KTN1: variants seen among roughly 807,000 people sequenced by gnomAD.
KTN1 encodes the protein kinectin 1, also known as kinectin.
KTN1 carries 130 observed loss-of-function variants against 222.5 expected under a neutral mutation model. The ratio of observed to expected loss-of-function variants is 0.58; its 90% CI spans 0.51 to 0.68. The LOEUF is 0.68. Among genes scored for constraint, KTN1 ranks in the 30% least tolerant of loss-of-function variants. KTN1 has a pLI of 0.00. For synonymous variants in KTN1, 512 were observed against 496.3 expected, an observed-to-expected ratio of 1.03 and a Z score of -0.42; for missense variants, 1,508 against 1,500.4, an observed-to-expected ratio of 1.01 and a Z score of -0.08.
In KTN1 at chr14:55,612,014, T is replaced by A; in HGVS notation, c.-30-5T>A. 8.1e-7 allele frequency: 1 copy of A among 1,234,944 alleles called. No homozygotes were observed. 76.5% of individuals were successfully genotyped at this position (1,234,944 alleles called of 1,614,324 possible). On this transcript the variant is annotated splice_polypyrimidine_tract_variant and splice_region_variant and intron_variant, in intron 1 of 43. Coordinates refer to ENST00000395314, the MANE Select transcript of KTN1 (RefSeq NM_001079521.2). ...TTTTTTGTCCCCACCTTCTTCCCTA[T>A]TTAGGTTTTATAGGATCACATTGAC...
In KTN1 at chr14:55,684,484, T is replaced by A. The variant is rs1160578030; in HGVS notation, c.*381T>A. On this transcript the variant is annotated 3_prime_UTR_variant, in exon 44 of 44. Coordinates refer to ENST00000395314, the MANE Select transcript of KTN1 (RefSeq NM_001079521.2). ...TTTACTTAACATTTTGGGAAGTAAC[T>A]GCCTCTGACTTCAACTCAAGAAAAC... The A allele has an allele frequency of 4.5e-6, 1 of 224,376 alleles. No individual in the cohort carries two copies. The highest frequency in any genetic ancestry group is 2.2e-5 in the African/African-American group (1 of 44,760). The allele number at this position is 224,376 out of a possible 1,614,324, so 13.9% of individuals were successfully genotyped here. A position where few individuals can be genotyped will look rare whatever the true frequency, so the allele number is the denominator to read the frequency against.
At chr14:55,671,688 T>G in intron 36 of KTN1, 33 bp downstream of exon 36, 1 of 1,568,298 alleles carries the variant, frequency 6.4e-7, no homozygotes, top group South Asian at 1.1e-5. Flanking sequence ...CATTTTGATT[T>G]TACTTTAAAT....
At chr14:55,585,964 T>C (rs1292321530) in intron 1 of KTN1, among the ~76,000 whole-genome samples, 1 of 152,228 alleles carries the variant, frequency 6.6e-6, no homozygotes, top group Non-Finnish European at 1.5e-5. Context: ...CTTATGTGAA[T>C]TCAAGTAAGT....
At chr14:55,654,663 T>G (rs1173649760) in intron 28 of KTN1, among the ~76,000 whole-genome samples, 1 of 152,196 alleles carries the variant, frequency 6.6e-6, no homozygotes, top group Non-Finnish European at 1.5e-5. Flanking sequence ...TGCATTAGCA[T>G]GGTACATTTG....
Position 55,656,082 on chromosome 14 carries a change from A to G in KTN1, c.2842A>G (p.Met948Val), listed in dbSNP as rs1304527628. 3.1e-6 allele frequency: 5 copies of G among 1,611,744 alleles called. No homozygotes were observed. Among genetic ancestry groups the G allele is most frequent in the Non-Finnish European group, 4.2e-6 (5 of 1,178,204 alleles). The change falls in exon 29 of 44, where the codon ATG (methionine) becomes GTG (valine). Residue 948 changes from methionine (M) to valine (V), a missense_variant. Physicochemically the swap from Met to Val is conservative, Grantham distance 21 (BLOSUM62 1). Coordinates refer to ENST00000395314, the MANE Select transcript of KTN1 (RefSeq NM_001079521.2). The stretch of plus-strand genomic sequence containing the variant: ...AAATGAATTGAAGAGGTTAGAAGCC[A>G]TGCTAAAAGAGAGGGAGAGTGATCT... ...KENELKRLEAMLKERESDLSS... is the reference protein window; with the variant it reads ...KENELKRLEAVLKERESDLSS...
chr14:55,659,454 G>A (rs1262865494), intron 30 of KTN1, among the ~76,000 whole-genome samples: 4 of 152,188 alleles, frequency 2.6e-5, no homozygotes, highest in East Asian at 1.9e-4. Flanking sequence ...AGTACGTTGC[G>A]ACAGTAGAGA....
At chr14:55,633,395 T>C (rs1296931207) in intron 8 of KTN1, 54 bp downstream of exon 8, 1 of 1,064,728 alleles carries the variant, frequency 9.4e-7, no homozygotes, top group Admixed American at 2.5e-5. Flanking sequence ...TTTTCTTGAA[T>C]CATCAAAATA....
chr14:55,656,213 A>G (rs1174870788), intron 29 of KTN1, 81 bp downstream of exon 29: 3 of 921,992 alleles, frequency 3.3e-6, no homozygotes, highest in Non-Finnish European at 5.1e-6. Context: ...CTGCTGCCAA[A>G]AAATAGAGTA....
chr14:55,593,329 C>G (rs1021366404), intron 1 of KTN1, among the ~76,000 whole-genome samples: 2 of 151,218 alleles, frequency 1.3e-5, no homozygotes, highest in Non-Finnish European at 2.9e-5. Context: ...ATTAAAAAAA[C>G]TGGTTTTAAT....
chr14:55,624,005 A>G (rs1280524359), intron 5 of KTN1, among the ~76,000 whole-genome samples: 1 of 152,218 alleles, frequency 6.6e-6, no homozygotes, highest in Non-Finnish European at 1.5e-5. Flanking sequence ...CCTTGGAAGA[A>G]GTTGGAAACT....
chr14:55,653,933 G>C (rs1301573745), intron 28 of KTN1, among the ~76,000 whole-genome samples: 1 of 152,032 alleles, frequency 6.6e-6, no homozygotes, highest in Non-Finnish European at 1.5e-5. Context: ...ATTAGTATTT[G>C]AATTAGATGT....
At chr14:55,598,616 T>A (rs892348033) in intron 1 of KTN1, among the ~76,000 whole-genome samples, 1 of 152,180 alleles carries the variant, frequency 6.6e-6, no homozygotes, top group African/African-American at 2.4e-5. Context: ...GCTGACAGAC[T>A]TATTGCTTCT....
chr14:55,638,280 T>A (rs1416569636), intron 12 of KTN1, among the ~76,000 whole-genome samples: 1 of 150,092 alleles, frequency 6.7e-6, no homozygotes, highest in Non-Finnish European at 1.5e-5. Flanking sequence ...TGAAAATTTG[T>A]ACCTCAGTTT....
At chr14:55,627,833 ATGTGCCACAT>A (rs2040037456) in intron 5 of KTN1, 69 bp from the exon 6 acceptor site, 2 of 822,802 alleles carry the variant, frequency 2.4e-6, no homozygotes, top group Non-Finnish European at 4.2e-6. Flanking sequence ...CATGGTGTAT[ATGTGCCACAT>A]TTCATTTTCA....
At chr14:55,683,025 A>ATTC (rs1373617284) in intron 43 of KTN1, 1 of 152,156 alleles carries the variant, frequency 6.6e-6, no homozygotes, top group East Asian at 1.9e-4. Flanking sequence ...TAACAAATAG[A>ATTC]TTCTTAAGTG....
intron 5 of KTN1, among the ~76,000 whole-genome samples, chr14:55,623,038 C>CT (rs2039365690): frequency 6.6e-6 from 1 of 152,176 alleles, no homozygotes; most frequent in African/African-American, 2.4e-5. Context: ...CTTCCAATTT[C>CT]TTTCTATGCC....
chr14:55,663,964 G>A lies in KTN1; in HGVS notation c.3100G>A (p.Glu1034Lys). Residue 1034 changes from glutamate (E) to lysine (K), a missense_variant, in exon 33 of 44, where the codon GAG becomes AAG. Coordinates refer to ENST00000395314, the MANE Select transcript of KTN1 (RefSeq NM_001079521.2). The part of the protein sequence containing the change: ...HQRKKNNDLR[E>K]KNWEAMEALA... Reference sequence around the variant, plus strand: ...TTCTAAAAATGATTAGGACCTTCGGGAGAAAAACTGGGAAGCAATGGAAGC... The same window carrying A: ...TTCTAAAAATGATTAGGACCTTCGGAAGAAAAACTGGGAAGCAATGGAAGC... The A allele has an allele frequency of 6.2e-7, 1 of 1,610,614 alleles. No homozygotes were observed. Among genetic ancestry groups the A allele is most frequent in the African/African-American group, 1.3e-5 (1 of 74,904 alleles).
At chr14:55,595,098 T>C (rs578058838) in intron 1 of KTN1, among the ~76,000 whole-genome samples, 5 of 152,248 alleles carry the variant, frequency 3.3e-5, no homozygotes, top group African/African-American at 7.2e-5. Flanking sequence ...TCATTGACTT[T>C]CTTGCTCTGC....
In KTN1 at chr14:55,619,148, C is replaced by A. The variant is rs2038792647; in HGVS notation, c.833-34C>A. 1.9e-6 allele frequency: 3 copies of A among 1,556,652 alleles called. No individual in the cohort carries two copies. In the East Asian group the frequency reaches 6.8e-5, roughly 35 times the overall value. Reference sequence around the variant, plus strand: ...GTTATTATTTGTGTTTTTTAAATGCCAACTCTTTGTTTGTTTGTTTTTTTC... The same window carrying A: ...GTTATTATTTGTGTTTTTTAAATGCAAACTCTTTGTTTGTTTGTTTTTTTC... On this transcript the variant is annotated intron_variant, in intron 4 of 43. Transcript: ENST00000395314.
Sources: gnomAD v4.1 joint callset for allele counts (sites outside exome capture counted in the v4.1 genomes callset) on GRCh38, gnomAD v4.1.1 for gene constraint, MANE v1.5 for transcripts, NCBI Gene and HGNC (gene_info 2026-07-23, HGNC 2026-07-21) for gene names.